PHACTR2: variants seen among roughly 807,000 people sequenced by gnomAD.
PHACTR2 encodes phosphatase and actin regulator 2, also known as chromosome 6 open reading frame 56.
Under a neutral mutation model 76.0 loss-of-function variants are expected in PHACTR2, and 30 were observed. That is an observed-to-expected ratio of 0.39 (90% CI 0.30 to 0.54). The LOEUF (loss-of-function observed/expected upper bound fraction) is 0.54. Among genes scored for constraint, PHACTR2 ranks in the 20% least tolerant of loss-of-function variants. The pLI is 0.61. For synonymous variants in PHACTR2, 292 were observed against 292.5 expected (o/e 1.00, Z 0.02); for missense variants, 696 against 781.1 (o/e 0.89, Z 1.30).
Position 143,765,624 on chromosome 6 carries a change from T to C in PHACTR2, c.1058T>C (p.Leu353Pro). 1 of 1,613,990 alleles carries C rather than the reference T, an allele frequency of 6.2e-7. No homozygotes were observed. The highest frequency in any genetic ancestry group is 1.1e-5 in the South Asian group (1 of 91,074). ...APSPLAPPLP[L>P]EDQCITASDT... Reference sequence around the variant, plus strand: ...TCTCCTCTGGCCCCCCCTCTCCCTCTTGAGGATCAGTGCATTACTGCCTCA... The same window carrying C: ...TCTCCTCTGGCCCCCCCTCTCCCTCCTGAGGATCAGTGCATTACTGCCTCA... Residue 353 changes from leucine to proline, a missense_variant, in exon 6 of 13, where the codon CTT becomes CCT. This residue lies in a region of PHACTR2 where 460 missense variants were observed against 450.9 expected (regional missense o/e 1.02). Transcript: ENST00000440869. This position sits in a 1 kb window ranked among gnomAD's most constrained non-coding sequence, Gnocchi z 4.1.
chr6:143,540,508 A>G (rs1781163311), intron 1 of PHACTR2, among the ~76,000 whole-genome samples: 1 of 152,140 alleles, frequency 6.6e-6, no homozygotes, highest in Middle Eastern at 3.2e-3. Context: ...AATACTAAAT[A>G]TATATTTTTA....
intron 2 of PHACTR2, among the ~76,000 whole-genome samples, chr6:143,719,352 T>A (rs1159319815): frequency 1.3e-4 from 4 of 31,594 alleles, no homozygotes; most frequent in Admixed American, 6.7e-4. Context: ...GACACTTCTT[T>A]TTTTTTTTTT....
At chr6:143,758,939 A>T (rs1328787189) in intron 4 of PHACTR2, among the ~76,000 whole-genome samples, 1 of 152,246 alleles carries the variant, frequency 6.6e-6, no homozygotes, top group Non-Finnish European at 1.5e-5. Context: ...AATAAAATGC[A>T]GTATATTCCA....
In PHACTR2 at chr6:143,688,190, A is replaced by C. The variant is rs1407887986; in HGVS notation, c.46+9981A>C. On this transcript the variant is annotated intron_variant, in intron 1 of 12. Coordinates refer to ENST00000440869, the MANE Select transcript of PHACTR2 (RefSeq NM_001100164.2). This position sits in a 1 kb window ranked among gnomAD's most constrained non-coding sequence, Gnocchi z 5.2. ...GAACCACTGACGCTTTTTTTTTTTT[A>C]AATCAAACCAGAGAAATGATTATTG... is the stretch of plus-strand genomic sequence containing the variant. 6.6e-6 allele frequency among the ~76,000 whole-genome samples: 1 copy of C among 151,184 alleles called. No homozygotes were observed. The highest frequency in any genetic ancestry group is 2.4e-5 in the African/African-American group (1 of 41,150).
In PHACTR2 at chr6:143,589,511, A is replaced by G. The variant is rs917544570; in HGVS notation, c.217+52304A>G. 5.9e-5 allele frequency among the ~76,000 whole-genome samples: 9 copies of G among 152,016 alleles called. No individual in the cohort carries two copies. Among genetic ancestry groups the G allele is most frequent in the Non-Finnish European group, 2.9e-5 (2 of 68,018 alleles). On this transcript the variant is annotated intron_variant, in intron 1 of 11. Coordinates refer to the PHACTR2 transcript ENST00000367584. This position sits in a 1 kb window ranked among gnomAD's most constrained non-coding sequence, Gnocchi z 4.4. ...CCAAGGAAACCTTTTTTCTTTATTA[A>G]TTACTCAGTCTCAGGTAGTTCTTGC...
At chr6:143,645,349 G>T (rs1776642130) in intron 1 of PHACTR2, among the ~76,000 whole-genome samples, 1 of 151,996 alleles carries the variant, frequency 6.6e-6, no homozygotes, top group Non-Finnish European at 1.5e-5. Context: ...CCATGAAAAG[G>T]AGTGAGTTAA....
upstream of PHACTR2, among the ~76,000 whole-genome samples, chr6:143,675,960 C>T (rs980724282): frequency 4.6e-5 from 7 of 152,210 alleles, no homozygotes; most frequent in South Asian, 4.1e-4. The surrounding 1 kb of genome is among the most constrained non-coding windows in gnomAD (Gnocchi z 4.9). Flanking sequence ...TTTCTGTAGA[C>T]GTTTTCTATG....
In PHACTR2 at chr6:143,561,452, G is replaced by A. The variant is rs1441875924; in HGVS notation, c.217+24245G>A. 1.3e-5 allele frequency: 2 copies of A among 152,370 alleles called. No individual in the cohort carries two copies. The allele number at this position is 152,370 out of a possible 1,614,324, so 9.4% of individuals were successfully genotyped here. A position where few individuals can be genotyped will look rare whatever the true frequency, so the allele number is the denominator to read the frequency against. ...TTGTGGTGATCACCACCCAGGTCCT[G>A]TGGTTGAAGTCTCAGCCTTTTGGAG... On this transcript the variant is annotated intron_variant, in intron 1 of 11. Coordinates refer to the PHACTR2 transcript ENST00000367584. The surrounding 1 kb of genome is among the most constrained non-coding windows in gnomAD (Gnocchi z 4.1).
In PHACTR2 at chr6:143,801,706, A is replaced by C. The variant is rs939635409; in HGVS notation, c.1846-5351A>C. On this transcript the variant is annotated intron_variant, in intron 11 of 12. Transcript: ENST00000440869. This position sits in a 1 kb window ranked among gnomAD's most constrained non-coding sequence, Gnocchi z 4.6. ...CTTCTGAAGCCTACTCTGTCAACTC[A>C]TCAAACTCATTCTCCGTCCAGTTTT... Among the ~76,000 whole-genome samples the C allele has an allele frequency of 1.3e-5, 2 of 152,144 alleles. No individual in the cohort carries two copies. The highest frequency in any genetic ancestry group is 4.8e-5 in the African/African-American group (2 of 41,434).
chr6:143,625,775 T>TC lies in PHACTR2; in HGVS notation c.13+17456dup, dbSNP rs139050070. ...TGGGGCAGTGATGAGACACATGGAG[T>TC]CCCTGCTCCCATGGAGCTTACATTC... is the stretch of plus-strand genomic sequence containing the variant. On this transcript the variant is annotated intron_variant, in intron 1 of 11. Transcript: ENST00000305766. The surrounding 1 kb of genome is among the most constrained non-coding windows in gnomAD (Gnocchi z 4.3). Among the ~76,000 whole-genome samples the TC allele has an allele frequency of 6.6e-3, 997 of 152,024 alleles. 22 individuals carry two copies. The East Asian group carries it at 0.091, about 14-fold the overall frequency.
upstream of PHACTR2, among the ~76,000 whole-genome samples, chr6:143,607,374 C>G (rs1024446311): frequency 6.6e-6 from 1 of 152,224 alleles, no homozygotes; most frequent in African/African-American, 2.4e-5. Flanking sequence ...TGTGTCCTGA[C>G]AGCGTAAGCA....
Position 143,739,083 on chromosome 6 carries a change from T to C in PHACTR2, c.215-9902T>C, listed in dbSNP as rs577416028. On this transcript the variant is annotated intron_variant, in intron 2 of 12. Transcript: ENST00000440869. This position sits in a 1 kb window ranked among gnomAD's most constrained non-coding sequence, Gnocchi z 4.3. Reference sequence around the variant, plus strand: ...TATTTATTATTTATTTATTTATTTTTGAGACGGAGTCTCTCTCTGTCCCGA... The same window carrying C: ...TATTTATTATTTATTTATTTATTTTCGAGACGGAGTCTCTCTCTGTCCCGA... Among the ~76,000 whole-genome samples, 4 of 152,338 alleles carry C rather than the reference T, an allele frequency of 2.6e-5. No homozygotes were observed. In the South Asian group the frequency reaches 6.2e-4, roughly 24 times the overall value.
Position 143,751,875 on chromosome 6 carries a change from T to G in PHACTR2, c.296-1879T>G, listed in dbSNP as rs1041462798. ...AATTCTAAAACAACTTCCTTAACACTCAATACTAGAAAGCCTTTTCAATAT... is the reference window on the plus strand; with the variant it reads ...AATTCTAAAACAACTTCCTTAACACGCAATACTAGAAAGCCTTTTCAATAT... On this transcript the variant is annotated intron_variant, in intron 3 of 12. Coordinates refer to ENST00000440869, the MANE Select transcript of PHACTR2 (RefSeq NM_001100164.2). This position sits in a 1 kb window ranked among gnomAD's most constrained non-coding sequence, Gnocchi z 5.7. 6.6e-6 allele frequency among the ~76,000 whole-genome samples: 1 copy of G among 151,440 alleles called. No homozygotes were observed. The highest frequency in any genetic ancestry group is 2.4e-5 in the African/African-American group (1 of 41,212).
rs1781124697 is a variant in PHACTR2 at position 143,537,125 on chromosome 6, G to A, written c.135G>A (p.Pro45=). Residue 45 remains proline, a synonymous_variant, in exon 1 of 12, where the codon CCG becomes CCA. Coordinates refer to the PHACTR2 transcript ENST00000367584. The surrounding 1 kb of genome is among the most constrained non-coding windows in gnomAD (Gnocchi z 4.4). Reference sequence around the variant, plus strand: ...CCCTGCGCTGGCTTCCCGGGGACCCGAGCCCCCGCGGCCGCTCACAGAGCG... The same window carrying A: ...CCCTGCGCTGGCTTCCCGGGGACCCAAGCCCCCGCGGCCGCTCACAGAGCG... 2 of 311,276 alleles carry A rather than the reference G, an allele frequency of 6.4e-6. No individual in the cohort carries two copies. Among genetic ancestry groups the A allele is most frequent in the South Asian group, 3.7e-5 (1 of 26,678 alleles). The allele number at this position is 311,276 out of a possible 1,614,324, so 19.3% of individuals were successfully genotyped here.
At position 143,618,148 on chromosome 6, in the gene PHACTR2, G is replaced by A. The variant is rs751642399; in HGVS notation, c.13+9826G>A. On this transcript the variant is annotated intron_variant, in intron 1 of 11. Coordinates refer to the PHACTR2 transcript ENST00000305766. The surrounding 1 kb of genome is among the most constrained non-coding windows in gnomAD (Gnocchi z 5.2). ...TACCAAGAGGCTGGGTCAGAGCCAC[G>A]ATTAGACATCGATGCTATATTTGCT... 1.3e-5 allele frequency among the ~76,000 whole-genome samples: 2 copies of A among 152,018 alleles called. No homozygotes were observed. Among genetic ancestry groups the A allele is most frequent in the Non-Finnish European group, 2.9e-5 (2 of 68,012 alleles).
At chr6:143,813,974 C>A (rs1050161160) in intron 12 of PHACTR2, among the ~76,000 whole-genome samples, 2 of 152,160 alleles carry the variant, frequency 1.3e-5, no homozygotes, top group Admixed American at 6.6e-5. Flanking sequence ...ATAACATAGT[C>A]AATCAACACA....
At chr6:143,587,012 CG>C (rs1775637938) in intron 1 of PHACTR2, among the ~76,000 whole-genome samples, 1 of 152,096 alleles carries the variant, frequency 6.6e-6, no homozygotes, top group Non-Finnish European at 1.5e-5. Flanking sequence ...TTAATTGTGT[CG>C]AAAGCCTGTT....
chr6:143,802,365 G>A (rs1253720741), intron 11 of PHACTR2, among the ~76,000 whole-genome samples: 3 of 152,076 alleles, frequency 2.0e-5, no homozygotes, highest in African/African-American at 7.2e-5. Context: ...CAGACTGGGT[G>A]TGGTGGCTCA....
chr6:143,774,320 A>G lies in PHACTR2; in HGVS notation c.1589+105A>G, dbSNP rs1582867618. ...TTGTGAATTCCTTATGTACAGATAC[A>G]TCTGGCCTACTGGGTCTTTTAAAGT... is the stretch of plus-strand genomic sequence containing the variant. On this transcript the variant is annotated intron_variant, in intron 8 of 12. Transcript: ENST00000440869. The surrounding 1 kb of genome is among the most constrained non-coding windows in gnomAD (Gnocchi z 5.4). The G allele has an allele frequency of 1.3e-5, 11 of 816,740 alleles. No homozygotes were observed. In the East Asian group the frequency reaches 3.1e-4, roughly 23 times the overall value. The allele number at this position is 816,740 out of a possible 1,614,324, so 50.6% of individuals were successfully genotyped here.
Sources: allele counts gnomAD v4.1 joint callset (sites outside exome capture counted in the v4.1 genomes callset), GRCh38; gene constraint gnomAD v4.1.1; regional missense constraint gnomAD v4.1.1; non-coding constraint Gnocchi (gnomAD v3.1); transcripts MANE v1.5; gene names NCBI Gene and HGNC (gene_info 2026-07-23, HGNC 2026-07-21).